OGFOD3: variants seen among roughly 807,000 people sequenced by gnomAD.
The protein encoded by OGFOD3 is 2-oxoglutarate and iron-dependent oxygenase domain-containing protein 3.
A neutral mutation model predicts 39.8 loss-of-function variants in OGFOD3; 35 were observed. The observed-to-expected ratio is 0.88, with a 90% confidence interval of 0.67 to 1.17. OGFOD3 has a LOEUF of 1.17. Ranked by LOEUF, OGFOD3 falls within the 50% of genes most tolerant of loss-of-function variation. OGFOD3 has a pLI of 0.00. For synonymous variants in OGFOD3, 200 were observed against 192.0 expected (o/e 1.04, Z -0.34); for missense variants, 438 against 454.5 (o/e 0.96, Z 0.33).
chr17:82,406,324 A>C lies in OGFOD3; in HGVS notation c.488+94T>G. 1 of 1,167,902 alleles carries C rather than the reference A, an allele frequency of 8.6e-7. No homozygotes were observed. Among genetic ancestry groups the C allele is most frequent in the Non-Finnish European group, 1.3e-6 (1 of 783,060 alleles). 72.3% of individuals were successfully genotyped at this position (1,167,902 alleles called of 1,614,324 possible). Reference sequence around the variant, plus strand: ...GCTGCACCGAGCCGGATCCTCCCTCACATGTCCACGTGTCCACATGTCCAT... The same window carrying C: ...GCTGCACCGAGCCGGATCCTCCCTCCCATGTCCACGTGTCCACATGTCCAT... On this transcript the variant is annotated intron_variant, in intron 5 of 8. Transcript: ENST00000313056. This position sits in a 1 kb window ranked among gnomAD's most constrained non-coding sequence, Gnocchi z 5.2.
In OGFOD3 at chr17:82,412,415, G is replaced by T. The variant is rs528990451; in HGVS notation, c.305-885C>A. Among the ~76,000 whole-genome samples the T allele has an allele frequency of 3.3e-3, 397 of 119,256 alleles. 3 individuals carry two copies. Among genetic ancestry groups the T allele is most frequent in the Admixed American group, 5.6e-3 (67 of 12,022 alleles). 78.2% of individuals were successfully genotyped at this position (119,256 alleles called of 152,430 possible). A position where few individuals can be genotyped will look rare whatever the true frequency, so the allele number is the denominator to read the frequency against. ...GCATGGTTATCGGGGCAGGGGCATGGTTATCGGGGCAGGGGCATGGTTATC... is the reference window on the plus strand; with the variant it reads ...GCATGGTTATCGGGGCAGGGGCATGTTTATCGGGGCAGGGGCATGGTTATC... On this transcript the variant is annotated intron_variant, in intron 2 of 8. Coordinates refer to ENST00000313056, the MANE Select transcript of OGFOD3 (RefSeq NM_024648.3).
chr17:82,411,002 G>A (rs1290517851), intron 3 of OGFOD3, among the ~76,000 whole-genome samples: 2 of 150,638 alleles, frequency 1.3e-5, no homozygotes, highest in African/African-American at 2.4e-5. Flanking sequence ...TTACAGGCAT[G>A]AGCCACCGCA....
chr17:82,401,803 C>CAAAAAAAAAAAAAAAAAAAAAAAAAAA lies in OGFOD3; in HGVS notation c.699+2133_699+2134insTTTTTTTTTTTTTTTTTTTTTTTTTTT, dbSNP rs79956747. Among the ~76,000 whole-genome samples the CAAAAAAAAAAAAAAAAAAAAAAAAAAA allele has an allele frequency of 2.5e-3, 155 of 61,658 alleles. 2 individuals carry two copies. The highest frequency in any genetic ancestry group is 7.9e-3 in the Middle Eastern group (1 of 126). The allele number at this position is 61,658 out of a possible 152,430, so 40.5% of individuals were successfully genotyped here. On this transcript the variant is annotated intron_variant, in intron 7 of 8. Transcript: ENST00000313056. ...TGGGTGGCAGAGCAAGACTCCATCT[C>CAAAAAAAAAAAAAAAAAAAAAAAAAAA]AAAAAAAAAAAAAAAAAAAACAAAG... is the stretch of plus-strand genomic sequence containing the variant.
intron 8 of OGFOD3, 103 bp downstream of exon 8, chr17:82,398,093 A>G (rs2143205797): frequency 1.4e-6 from 2 of 1,405,524 alleles, no homozygotes; most frequent in Non-Finnish European, 2.0e-6. Context: ...CACACAGCAG[A>G]TGCTCCGTGA....
rs1280792125 is a variant in OGFOD3, at chr17:82,415,543, A to G, written c.159T>C (p.Phe53=). The change falls in exon 2 of 9, where the codon TTT becomes TTC. Residue 53 remains phenylalanine (F), a synonymous_variant. Coordinates refer to ENST00000313056, the MANE Select transcript of OGFOD3 (RefSeq NM_024648.3). This position sits in a 1 kb window ranked among gnomAD's most constrained non-coding sequence, Gnocchi z 5.3. ...TCCAGAGCAGGAGTGCGGTGAGCAC[A>G]AAGCCAGCCCCCAGGCCCGCGGTCC... ...WLRTAGLGAG[F]VLTALLLWSS... is the part of the protein sequence containing the mutation. 1 of 1,613,530 alleles carries G rather than the reference A, an allele frequency of 6.2e-7. No individual in the cohort carries two copies. Among genetic ancestry groups the G allele is most frequent in the Non-Finnish European group, 8.5e-7 (1 of 1,179,938 alleles).
intron 3 of OGFOD3, among the ~76,000 whole-genome samples, chr17:82,411,032 T>C (rs1377386510): frequency 6.7e-6 from 1 of 148,748 alleles, no homozygotes; most frequent in Non-Finnish European, 1.5e-5. Flanking sequence ...GAAATTCTTA[T>C]AAAATTATAA....
chr17:82,392,774 G>A lies in OGFOD3; in HGVS notation c.824-240C>T. On this transcript the variant is annotated intron_variant, in intron 8 of 8. Transcript: ENST00000313056. This position sits in a 1 kb window ranked among gnomAD's most constrained non-coding sequence, Gnocchi z 4.2. ...GCCCCCCGGGGCCAGCAGGGACTCTGTGGTGGGCAGGACAGAGGAAGATGC... is the reference window on the plus strand; with the variant it reads ...GCCCCCCGGGGCCAGCAGGGACTCTATGGTGGGCAGGACAGAGGAAGATGC... The A allele has an allele frequency of 1.8e-6, 1 of 562,424 alleles. No homozygotes were observed. Among genetic ancestry groups the A allele is most frequent in the Non-Finnish European group, 3.1e-6 (1 of 317,460 alleles). The allele number at this position is 562,424 out of a possible 1,614,324, so 34.8% of individuals were successfully genotyped here. A position where few individuals can be genotyped will look rare whatever the true frequency, so the allele number is the denominator to read the frequency against.
At chr17:82,418,387 G>A in intron 1 of OGFOD3, 25 bp downstream of exon 1, 2 of 1,442,912 alleles carry the variant, frequency 1.4e-6, no homozygotes, top group Non-Finnish European at 1.8e-6. Flanking sequence ...GCCGCAGCGC[G>A]CGCCCTTCCC....
chr17:82,397,742 C>T (rs939915471), intron 8 of OGFOD3, among the ~76,000 whole-genome samples: 10 of 152,084 alleles, frequency 6.6e-5, no homozygotes, highest in Non-Finnish European at 1.5e-5. Context: ...GTTCTGAAGC[C>T]GGCACCGCAG....
At chr17:82,414,639 G>A (rs1364574447) in intron 2 of OGFOD3, among the ~76,000 whole-genome samples, 1 of 152,184 alleles carries the variant, frequency 6.6e-6, no homozygotes, top group Non-Finnish European at 1.5e-5. Flanking sequence ...TCCCTGCGGC[G>A]CGGCTGGGAC....
Position 82,409,507 on chromosome 17 carries a change from G to A in OGFOD3, c.381-97C>T, listed in dbSNP as rs537561732. The A allele has an allele frequency of 9.1e-6, 10 of 1,104,396 alleles. 1 individual carries two copies. The South Asian group carries it at 1.1e-4, about 13-fold the overall frequency. 68.4% of individuals were successfully genotyped at this position (1,104,396 alleles called of 1,614,324 possible). On this transcript the variant is annotated intron_variant, in intron 3 of 8. Transcript: ENST00000313056. ...TCAGCAAAATTAATGCAACATTAGT[G>A]GGTCCTGCGTGTTTAATGTTTATGA...
At chr17:82,396,343 C>T (rs1408251729) in intron 8 of OGFOD3, among the ~76,000 whole-genome samples, 1 of 104,908 alleles carries the variant, frequency 9.5e-6, no homozygotes, top group Non-Finnish European at 2.5e-5. Context: ...TAGATACACA[C>T]AATTAGATGT....
rs1197391035 is a variant in OGFOD3 at position 82,394,578 on chromosome 17, G to A, written c.824-2044C>T. On this transcript the variant is annotated intron_variant, in intron 8 of 8. Coordinates refer to ENST00000313056, the MANE Select transcript of OGFOD3 (RefSeq NM_024648.3). Reference sequence around the variant, plus strand: ...CAGGACAGGGATTGTGTGGTAAAGGGTTGACTCCAGGGGCCTGGGCGGTGC... The same window carrying A: ...CAGGACAGGGATTGTGTGGTAAAGGATTGACTCCAGGGGCCTGGGCGGTGC... 3.2e-6 allele frequency: 5 copies of A among 1,559,060 alleles called. No homozygotes were observed. In the African/African-American group the frequency reaches 4.1e-5, roughly 13 times the overall value.
intron 4 of OGFOD3, 21 bp downstream of exon 4, chr17:82,409,347 C>A: frequency 6.2e-7 from 1 of 1,612,326 alleles, no homozygotes; most frequent in Non-Finnish European, 8.5e-7. Flanking sequence ...AAAAGGGGGG[C>A]AGGGACTACA....
chr17:82,392,665 G>A lies in OGFOD3; in HGVS notation c.824-131C>T, dbSNP rs936165831. The A allele has an allele frequency of 6.4e-6, 7 of 1,089,766 alleles. No homozygotes were observed. The African/African-American group carries it at 9.6e-5, about 15-fold the overall frequency. The allele number at this position is 1,089,766 out of a possible 1,614,324, so 67.5% of individuals were successfully genotyped here. A position where few individuals can be genotyped will look rare whatever the true frequency, so the allele number is the denominator to read the frequency against. ...ACCAACCAGGCAGGCTGGAGAAATT[G>A]CCCCTCTGGGAACTGCTTCTGCAGG... is the stretch of plus-strand genomic sequence containing the variant. On this transcript the variant is annotated intron_variant, in intron 8 of 8. Transcript: ENST00000313056. The surrounding 1 kb of genome is among the most constrained non-coding windows in gnomAD (Gnocchi z 4.2).
intron 8 of OGFOD3, among the ~76,000 whole-genome samples, chr17:82,397,042 G>A (rs1036760470): frequency 3.9e-5 from 6 of 152,174 alleles, no homozygotes; most frequent in African/African-American, 1.4e-4. Context: ...GAGGCAGGAT[G>A]GCAGGAAGTG....
intron 8 of OGFOD3, among the ~76,000 whole-genome samples, chr17:82,395,185 C>G (rs2052652643): frequency 6.6e-6 from 1 of 152,164 alleles, no homozygotes; most frequent in Non-Finnish European, 1.5e-5. Context: ...GTGCACGCCA[C>G]CACACCCGGC....
rs2053026672 is a variant in OGFOD3, at chr17:82,415,953, G to C, written c.75-326C>G. 6.6e-6 allele frequency among the ~76,000 whole-genome samples: 1 copy of C among 152,096 alleles called. No individual in the cohort carries two copies. Among genetic ancestry groups the C allele is most frequent in the South Asian group, 2.1e-4 (1 of 4,834 alleles). On this transcript the variant is annotated intron_variant, in intron 1 of 8. Transcript: ENST00000313056. The surrounding 1 kb of genome is among the most constrained non-coding windows in gnomAD (Gnocchi z 5.3). ...CCTTATAAAAGCCACTTCAGGCCCG[G>C]CGCAGTGGCTTATGCCTGTAATCCC...
At chr17:82,411,650 A>G (rs1328963124) in intron 2 of OGFOD3, 120 bp from the exon 3 acceptor site, 1 of 735,362 alleles carries the variant, frequency 1.4e-6, no homozygotes, top group African/African-American at 1.8e-5. Context: ...AGACACACAC[A>G]ACCACAGCTC....
Sources: allele counts gnomAD v4.1 joint callset (sites outside exome capture counted in the v4.1 genomes callset), GRCh38; gene constraint gnomAD v4.1.1; non-coding constraint Gnocchi (gnomAD v3.1); transcripts MANE v1.5; gene names NCBI Gene and HGNC (gene_info 2026-07-23, HGNC 2026-07-21).